The following CDK14 variants were observed in gnomAD, a reference collection of about 807,000 sequenced individuals.
The protein encoded by CDK14 is cyclin dependent kinase 14.
Under a neutral mutation model 60.7 loss-of-function variants are expected in CDK14, and 34 were observed. The ratio of observed to expected loss-of-function variants is 0.56; its 90% CI spans 0.43 to 0.75. The LOEUF (loss-of-function observed/expected upper bound fraction) is 0.75, where lower values mean the gene tolerates loss of function less well. Ranked by LOEUF, CDK14 falls within the 30% of genes least tolerant of loss-of-function variation. CDK14 has a pLI of 0.00. For missense variants in CDK14, 482 were observed against 564.1 expected (o/e 0.85, Z 1.47); for synonymous variants, 197 against 203.7 (o/e 0.97, Z 0.28).
intron 2 of CDK14, among the ~76,000 whole-genome samples, chr7:90,652,336 A>G (rs920007345): frequency 6.6e-5 from 10 of 152,252 alleles, no homozygotes; most frequent in Admixed American, 2.6e-4. Context: ...AACATTTTAT[A>G]GACCAGAGGA....
intron 8 of CDK14, among the ~76,000 whole-genome samples, chr7:90,932,029 T>C (rs915382735): frequency 1.3e-5 from 2 of 152,208 alleles, no homozygotes; most frequent in African/African-American, 4.8e-5. Context: ...TCACAAAATA[T>C]AGTTTGTTGG....
At chr7:90,727,396 A>C (rs1802683468) in intron 3 of CDK14, among the ~76,000 whole-genome samples, 1 of 152,182 alleles carries the variant, frequency 6.6e-6, no homozygotes, top group Non-Finnish European at 1.5e-5. Context: ...GTCCAGAAAG[A>C]AGTGTTAGAG....
chr7:90,824,340 T>G (rs1272561566), intron 5 of CDK14, among the ~76,000 whole-genome samples: 2 of 151,984 alleles, frequency 1.3e-5, no homozygotes, highest in Non-Finnish European at 2.9e-5. Context: ...AATCACACAG[T>G]TAGTGGAATG....
At chr7:90,858,743 G>C (rs565701141) in intron 5 of CDK14, among the ~76,000 whole-genome samples, 2 of 152,264 alleles carry the variant, frequency 1.3e-5, no homozygotes, top group South Asian at 4.1e-4. Flanking sequence ...GTGCACCTCA[G>C]AAGACTGGTG....
chr7:91,197,065 A>C (rs780019976), intron 14 of CDK14, among the ~76,000 whole-genome samples: 54 of 152,050 alleles, frequency 3.6e-4, no homozygotes, highest in Non-Finnish European at 1.3e-4. Flanking sequence ...AGCTTGTTCC[A>C]TTTTGCACTG....
At chr7:90,992,960 T>A (rs963528874) in intron 10 of CDK14, among the ~76,000 whole-genome samples, 3 of 152,180 alleles carry the variant, frequency 2.0e-5, no homozygotes, top group African/African-American at 7.2e-5. Flanking sequence ...TTGGGCTTTC[T>A]GAGTCAGTTC....
intron 5 of CDK14, among the ~76,000 whole-genome samples, chr7:90,849,719 A>G (rs1220574496): frequency 6.6e-6 from 1 of 152,008 alleles, no homozygotes; most frequent in Non-Finnish European, 1.5e-5. Context: ...GTGTTTATTT[A>G]TGTGAAAATT....
chr7:90,799,878 G>A (rs2116999359), intron 5 of CDK14, among the ~76,000 whole-genome samples: 1 of 152,122 alleles, frequency 6.6e-6, no homozygotes, highest in Non-Finnish European at 1.5e-5. Context: ...GATTTTGAGG[G>A]GGGACATGGG....
At chr7:90,951,851 C>A (rs528285014) in intron 8 of CDK14, among the ~76,000 whole-genome samples, 128 of 152,160 alleles carry the variant, frequency 8.4e-4, no homozygotes, top group Non-Finnish European at 1.7e-3. Flanking sequence ...GCACCTATGC[C>A]TAGTAAGGAA....
chr7:91,182,353 A>G (rs1802030629), intron 14 of CDK14, among the ~76,000 whole-genome samples: 1 of 152,144 alleles, frequency 6.6e-6, no homozygotes, highest in African/African-American at 2.4e-5. Flanking sequence ...CTCATATACC[A>G]CCAATTAGAT....
chr7:91,007,497 G>T (rs563923191), intron 10 of CDK14, among the ~76,000 whole-genome samples: 2 of 152,136 alleles, frequency 1.3e-5, no homozygotes, highest in Non-Finnish European at 2.9e-5. Context: ...TTTCTACACC[G>T]TATGCATTTC....
At chr7:90,782,831 A>G (rs2116937326) in intron 4 of CDK14, among the ~76,000 whole-genome samples, 1 of 152,276 alleles carries the variant, frequency 6.6e-6, no homozygotes, top group East Asian at 1.9e-4. Context: ...GAGGAACTAA[A>G]TAATTTGAAT....
intron 8 of CDK14, among the ~76,000 whole-genome samples, chr7:90,953,931 C>T (rs1401703975): frequency 2.0e-5 from 3 of 152,060 alleles, no homozygotes; most frequent in African/African-American, 7.2e-5. Flanking sequence ...TCAATTTTGC[C>T]TGAATTAATG....
chr7:90,746,692 C>G (rs1238988314), intron 3 of CDK14, among the ~76,000 whole-genome samples: 2 of 152,082 alleles, frequency 1.3e-5, no homozygotes, highest in Non-Finnish European at 2.9e-5. Flanking sequence ...ACAACACTCC[C>G]CTTTTCTTGT....
At chr7:91,125,188 C>T (rs1381897790) in intron 14 of CDK14, among the ~76,000 whole-genome samples, 4 of 152,054 alleles carry the variant, frequency 2.6e-5, no homozygotes, top group South Asian at 2.1e-4. Flanking sequence ...ACTCCTTCTG[C>T]GATATTCTTC....
chr7:90,709,721 T>A (rs1301881056), intron 2 of CDK14: 1 of 1,457,616 alleles, frequency 6.9e-7, no homozygotes, highest in African/African-American at 1.4e-5. Context: ...TTCTCAACAG[T>A]TTTTGGTCTT....
intron 5 of CDK14, among the ~76,000 whole-genome samples, chr7:90,839,968 A>G (rs1790236871): frequency 6.6e-6 from 1 of 152,172 alleles, no homozygotes; most frequent in Non-Finnish European, 1.5e-5. Context: ...CTGTGTAGAC[A>G]TCTAGAAGGA....
intron 12 of CDK14, among the ~76,000 whole-genome samples, chr7:91,112,138 G>C (rs1333755376): frequency 6.6e-6 from 1 of 152,012 alleles, no homozygotes; most frequent in Non-Finnish European, 1.5e-5. Flanking sequence ...TTTAATAGCA[G>C]TTTTATTTTA....
At chr7:91,195,473 G>A (rs1043201741) in intron 14 of CDK14, among the ~76,000 whole-genome samples, 1 of 152,152 alleles carries the variant, frequency 6.6e-6, no homozygotes, top group East Asian at 1.9e-4. Flanking sequence ...TCTTTCTGAT[G>A]TATGAAAATG....
Sources: allele counts gnomAD v4.1 joint callset (sites outside exome capture counted in the v4.1 genomes callset), GRCh38; gene constraint gnomAD v4.1.1; transcripts MANE v1.5; gene names NCBI Gene and HGNC (gene_info 2026-07-23, HGNC 2026-07-21).